Variants in USP30 observed in about 807,000 individuals in gnomAD.
USP30 encodes ubiquitin carboxyl-terminal hydrolase 30.
A neutral mutation model predicts 68.2 loss-of-function variants in USP30; 41 were observed. The ratio of observed to expected loss-of-function variants is 0.60; its 90% confidence interval spans 0.47 to 0.78. The LOEUF (loss-of-function observed/expected upper bound fraction) is 0.78, where lower values mean the gene tolerates loss of function less well. Ranked by LOEUF, USP30 falls within the 30% of genes least tolerant of loss-of-function variation. The pLI is 0.00. For missense variants in USP30, 522 were observed against 649.4 expected (o/e 0.80, Z 2.13); for synonymous variants, 229 against 253.7 (o/e 0.90, Z 0.93).
At chr12:109,077,729 C>G (rs1357390440) in intron 7 of USP30, among the ~76,000 whole-genome samples, 1 of 152,072 alleles carries the variant, frequency 6.6e-6, no homozygotes, top group Admixed American at 6.5e-5. Flanking sequence ...CCTCTGTTCC[C>G]CCTTCACTGG....
In USP30 at chr12:109,037,163, T is replaced by C. The variant is rs140552861; in HGVS notation, c.-136+9607T>C. Among the ~76,000 whole-genome samples the C allele has an allele frequency of 3.5e-4, 53 of 152,300 alleles. No homozygotes were observed. The East Asian group carries it at 9.8e-3, about 28-fold the overall frequency. On this transcript the variant is annotated intron_variant, in intron 3 of 15. Transcript: ENST00000392784. Reference sequence around the variant, plus strand: ...TCATCTCAATGGAACTATCTTCATGTTCATTGATACTTTGCTTACCTGTTC... The same window carrying C: ...TCATCTCAATGGAACTATCTTCATGCTCATTGATACTTTGCTTACCTGTTC...
At position 109,082,689 on chromosome 12, in the gene USP30, G is replaced by A; in HGVS notation, c.894G>A (p.Gly298=). ...TTGAAGCCAAGGGAACGTTGAACGG[G>A]GAAAAGGTGGAACACCAGAGGACCA... ...TKIEAKGTLN[G]EKVEHQRTTF... The change falls in exon 10 of 13, where the codon GGG becomes GGA. Residue 298 remains glycine (G), a synonymous_variant. Transcript: ENST00000257548. The A allele has an allele frequency of 6.2e-7, 1 of 1,614,204 alleles. No homozygotes were observed. The highest frequency in any genetic ancestry group is 8.5e-7 in the Non-Finnish European group (1 of 1,180,030).
rs2041965456 is a variant in USP30 at position 109,087,165 on chromosome 12, A to C, written c.*1234A>C. 1 of 152,098 alleles carries C rather than the reference A, an allele frequency of 6.6e-6. No individual in the cohort carries two copies. Among genetic ancestry groups the C allele is most frequent in the South Asian group, 2.1e-4 (1 of 4,830 alleles). The allele number at this position is 152,098 out of a possible 1,614,324, so 9.4% of individuals were successfully genotyped here. A position where few individuals can be genotyped will look rare whatever the true frequency, so the allele number is the denominator to read the frequency against. On this transcript the variant is annotated 3_prime_UTR_variant, in exon 13 of 13. Coordinates refer to ENST00000257548, the MANE Select transcript of USP30 (RefSeq NM_032663.5). ...TCTGAATGCAGCCCAGGGCCAAAGG[A>C]ATTTTGATGACACAGTAGTACCTAT...
chr12:109,062,474 A>G (rs1174803422), intron 3 of USP30, among the ~76,000 whole-genome samples: 1 of 150,904 alleles, frequency 6.6e-6, no homozygotes, highest in African/African-American at 2.4e-5. Flanking sequence ...AGCTGGGATT[A>G]TAGGCGCCAT....
At position 109,052,748 on chromosome 12, in the gene USP30, G is replaced by C. The variant is rs747378346; in HGVS notation, c.70G>C (p.Gly24Arg). ...DRAIQRFLRT[G>R]AAVRYKVMKN... is the part of the protein sequence containing the mutation. Reference sequence around the variant, plus strand: ...GGCCATCCAGCGCTTCCTGCGGACCGGGGCGGCCGTCAGGTGAGATTTTGG... The same window carrying C: ...GGCCATCCAGCGCTTCCTGCGGACCCGGGCGGCCGTCAGGTGAGATTTTGG... Residue 24 changes from glycine (G) to arginine (R), a missense_variant, in exon 1 of 13, where the codon GGG becomes CGG. Transcript: ENST00000257548. 8.9e-6 allele frequency: 13 copies of C among 1,455,056 alleles called. No homozygotes were observed. Among genetic ancestry groups the C allele is most frequent in the Non-Finnish European group, 1.2e-5 (13 of 1,104,568 alleles). The allele number at this position is 1,455,056 out of a possible 1,614,324, so 90.1% of individuals were successfully genotyped here.
At chr12:109,069,764 G>A (rs1362093007) in intron 4 of USP30, among the ~76,000 whole-genome samples, 2 of 152,174 alleles carry the variant, frequency 1.3e-5, no homozygotes, top group Non-Finnish European at 2.9e-5. Flanking sequence ...AGGGAGGGCA[G>A]AGGAGGAGGA....
intron 3 of USP30, among the ~76,000 whole-genome samples, chr12:109,028,113 C>T (rs748021617): frequency 4.6e-5 from 7 of 152,218 alleles, no homozygotes; most frequent in African/African-American, 7.2e-5. Context: ...TCCCTAATAA[C>T]TAACAATGTT....
At chr12:109,041,212 A>C (rs890279014) in intron 3 of USP30, among the ~76,000 whole-genome samples, 12 of 152,222 alleles carry the variant, frequency 7.9e-5, no homozygotes, top group African/African-American at 2.9e-4. Context: ...TTTTAACAGG[A>C]TGAGGTGACT....
chr12:109,028,053 C>T (rs1037323723), intron 3 of USP30, among the ~76,000 whole-genome samples: 5 of 152,206 alleles, frequency 3.3e-5, no homozygotes, highest in Admixed American at 2.6e-4. Flanking sequence ...CTCCTCAACA[C>T]TTGTTGATAA....
In USP30 at chr12:109,082,648, T is replaced by C. The variant is rs751559851; in HGVS notation, c.868-15T>C. 2.5e-6 allele frequency: 4 copies of C among 1,613,296 alleles called. No individual in the cohort carries two copies. In the Admixed American group the frequency reaches 5.0e-5, roughly 20 times the overall value. ...TTTTAGGCATTGCTGCAGAGAAATG[T>C]TCCTTTTATTTCAGATTGAAGCCAA... On this transcript the variant is annotated splice_polypyrimidine_tract_variant and intron_variant, in intron 9 of 12. Transcript: ENST00000257548.
rs1007247612 is a variant in USP30 at position 109,086,711 on chromosome 12, A to G, written c.*780A>G. On this transcript the variant is annotated 3_prime_UTR_variant, in exon 13 of 13. Coordinates refer to ENST00000257548, the MANE Select transcript of USP30 (RefSeq NM_032663.5). The stretch of plus-strand genomic sequence containing the variant: ...CTGAGCTGGATCTTTGCAACACCTG[A>G]TTCCTCTGCTCTGTGGAAAACTTTT... 6.6e-6 allele frequency: 1 copy of G among 152,260 alleles called. No homozygotes were observed. The highest frequency in any genetic ancestry group is 2.4e-5 in the African/African-American group (1 of 41,454). 9.4% of individuals were successfully genotyped at this position (152,260 alleles called of 1,614,324 possible).
chr12:109,052,625 C>CGGCGGT lies in USP30; in HGVS notation c.-49_-48insTGGCGG, dbSNP rs2135691952. On this transcript the variant is annotated 5_prime_UTR_variant, in exon 1 of 13. Coordinates refer to ENST00000257548, the MANE Select transcript of USP30 (RefSeq NM_032663.5). ...GGAACCGTCGTATCCCTCGGTCCGG[C>CGGCGGT]GGCGGCGGCGGCGGTAGCGGAGGAG... 2 of 1,437,724 alleles carry CGGCGGT rather than the reference C, an allele frequency of 1.4e-6. No individual in the cohort carries two copies. Among genetic ancestry groups the CGGCGGT allele is most frequent in the Non-Finnish European group, 9.1e-7 (1 of 1,099,856 alleles). 89.1% of individuals were successfully genotyped at this position (1,437,724 alleles called of 1,614,324 possible).
At chr12:109,084,068 A>T (rs1352387317) in intron 11 of USP30, among the ~76,000 whole-genome samples, 1 of 152,168 alleles carries the variant, frequency 6.6e-6, no homozygotes, top group Non-Finnish European at 1.5e-5. Context: ...GTGGTTAAAG[A>T]TGCCAGCAGT....
At chr12:109,045,065 C>T (rs1343310942) in intron 3 of USP30, among the ~76,000 whole-genome samples, 1 of 150,840 alleles carries the variant, frequency 6.6e-6, no homozygotes, top group Non-Finnish European at 1.5e-5. Context: ...GCAACCTCCG[C>T]CTCCCGGGTT....
In USP30 at chr12:109,086,206, A is replaced by G; in HGVS notation, c.*275A>G. On this transcript the variant is annotated 3_prime_UTR_variant, in exon 13 of 13. Coordinates refer to ENST00000257548, the MANE Select transcript of USP30 (RefSeq NM_032663.5). ...TACTCATCTGATACAGGTAATTAAAAGAACTCAGATTCTTGAAGCCACCGT... is the reference window on the plus strand; with the variant it reads ...TACTCATCTGATACAGGTAATTAAAGGAACTCAGATTCTTGAAGCCACCGT... The G allele has an allele frequency of 2.8e-6, 1 of 353,452 alleles. No individual in the cohort carries two copies. The highest frequency in any genetic ancestry group is 4.3e-5 in the Admixed American group (1 of 23,490). 21.9% of individuals were successfully genotyped at this position (353,452 alleles called of 1,614,324 possible).
rs2041960748 is a variant in USP30, at chr12:109,086,943, T to A, written c.*1012T>A. ...TTTCCTCATTTGTGAAGTGAAGGGT[T>A]AGATTTGATGACCACCAAAGTTCAG... On this transcript the variant is annotated 3_prime_UTR_variant, in exon 13 of 13. Transcript: ENST00000257548. The A allele has an allele frequency of 6.6e-6, 1 of 152,138 alleles. No homozygotes were observed. Among genetic ancestry groups the A allele is most frequent in the South Asian group, 2.1e-4 (1 of 4,836 alleles). The allele number at this position is 152,138 out of a possible 1,614,324, so 9.4% of individuals were successfully genotyped here.
Position 109,085,951 on chromosome 12 carries a change from T to C in USP30, c.*20T>C, listed in dbSNP as rs2041937362. On this transcript the variant is annotated 3_prime_UTR_variant, in exon 13 of 13. Coordinates refer to ENST00000257548, the MANE Select transcript of USP30 (RefSeq NM_032663.5). The stretch of plus-strand genomic sequence containing the variant: ...GAATGACTGTGCCCTCCTGCAAGGC[T>C]AGAGCTGATGGCACTGTCTGCACTG... 6.2e-7 allele frequency: 1 copy of C among 1,608,730 alleles called. No homozygotes were observed. Among genetic ancestry groups the C allele is most frequent in the Non-Finnish European group, 8.5e-7 (1 of 1,176,806 alleles).
intron 2 of USP30, among the ~76,000 whole-genome samples, chr12:109,026,573 C>T (rs189850388): frequency 6.6e-6 from 1 of 152,044 alleles, no homozygotes; most frequent in Admixed American, 6.5e-5. Context: ...GATCCTTCCA[C>T]CTCAGCCTCC....
intron 8 of USP30, 184 bp from the exon 9 acceptor site, chr12:109,081,749 T>C (rs940763145): frequency 1.3e-5 from 8 of 636,136 alleles, no homozygotes; most frequent in East Asian, 2.7e-5. Flanking sequence ...CTAGAATCTG[T>C]CCGTAGTAGC....
Sources: gnomAD v4.1 joint callset for allele counts (sites outside exome capture counted in the v4.1 genomes callset) on GRCh38, gnomAD v4.1.1 for gene constraint, MANE v1.5 for transcripts, NCBI Gene and HGNC (gene_info 2026-07-23, HGNC 2026-07-21) for gene names.